Variants in ITK observed in about 807,000 individuals in gnomAD.
ITK encodes tyrosine-protein kinase ITK/TSK.
In ITK, 45 loss-of-function variants were observed where a neutral mutation model predicts 87.6. The ratio of observed to expected loss-of-function variants is 0.51; its 90% CI spans 0.40 to 0.66. ITK has a LOEUF of 0.66. Among genes scored for constraint, ITK ranks in the 30% least tolerant of loss-of-function variants. The pLI is 0.00. For missense variants in ITK, 605 were observed against 766.3 expected, an observed-to-expected ratio of 0.79 and a Z score of 2.48; for synonymous variants, 303 against 273.6, an observed-to-expected ratio of 1.11 and a Z score of -1.06.
At chr5:157,190,315 T>C (rs1263759198) in intron 1 of ITK, among the ~76,000 whole-genome samples, 1 of 152,156 alleles carries the variant, frequency 6.6e-6, no homozygotes, top group Non-Finnish European at 1.5e-5. Flanking sequence ...TTTATTATGA[T>C]TATTATTGGT....
At chr5:157,207,709 C>A (rs1048856788) in intron 1 of ITK, among the ~76,000 whole-genome samples, 1 of 152,098 alleles carries the variant, frequency 6.6e-6, no homozygotes, top group Non-Finnish European at 1.5e-5. Flanking sequence ...GTCAATTTGA[C>A]ACCTAAAATT....
At chr5:157,200,982 G>T (rs1235031030) in intron 1 of ITK, among the ~76,000 whole-genome samples, 1 of 151,976 alleles carries the variant, frequency 6.6e-6, no homozygotes, top group Non-Finnish European at 1.5e-5. Context: ...ATTTTTGTGT[G>T]GATAACAATT....
chr5:157,193,534 A>T (rs1165652876), intron 1 of ITK, among the ~76,000 whole-genome samples: 3 of 152,246 alleles, frequency 2.0e-5, no homozygotes, highest in Non-Finnish European at 2.9e-5. Flanking sequence ...TATCATAAAT[A>T]TTCACAATAA....
chr5:157,240,625 G>C (rs1334332816), intron 10 of ITK: 4 of 212,260 alleles, frequency 1.9e-5, no homozygotes, highest in Non-Finnish European at 2.9e-5. Flanking sequence ...AGGAAGCATG[G>C]TGCCGGCATC....
chr5:157,217,530 G>A (rs1192006389), intron 4 of ITK, among the ~76,000 whole-genome samples: 2 of 152,056 alleles, frequency 1.3e-5, no homozygotes, highest in Non-Finnish European at 2.9e-5. Context: ...AGACATTCCC[G>A]GAAGTCTCTA....
chr5:157,208,414 C>T (rs1012840704), intron 1 of ITK, among the ~76,000 whole-genome samples: 1 of 151,200 alleles, frequency 6.6e-6, no homozygotes, highest in African/African-American at 2.4e-5. Flanking sequence ...TGTGGGACTG[C>T]GGATAATTAA....
At position 157,202,953 on chromosome 5, in the gene ITK, C is replaced by T. The variant is rs17054352; in HGVS notation, c.139-5936C>T. On this transcript the variant is annotated intron_variant, in intron 1 of 16. Transcript: ENST00000422843. ...ACTGTCTGCCCTCATCACAATGCTG[C>T]TAGGCTGTTAACAAGCCAGACTTAC... Among the ~76,000 whole-genome samples, 594 of 152,286 alleles carry T rather than the reference C, an allele frequency of 3.9e-3. 5 individuals are homozygous for T. Among genetic ancestry groups the T allele is most frequent in the African/African-American group, 0.013 (560 of 41,556 alleles).
At chr5:157,192,923 T>C (rs1753780713) in intron 1 of ITK, among the ~76,000 whole-genome samples, 1 of 152,192 alleles carries the variant, frequency 6.6e-6, no homozygotes, top group Non-Finnish European at 1.5e-5. Flanking sequence ...TAAAGACTCT[T>C]CCAGTTCAAA....
At chr5:157,196,749 C>G (rs141391899) in intron 1 of ITK, among the ~76,000 whole-genome samples, 2 of 152,306 alleles carry the variant, frequency 1.3e-5, no homozygotes, top group African/African-American at 4.8e-5. Context: ...CAGTTATTTC[C>G]TGAAATGCAA....
intron 4 of ITK, among the ~76,000 whole-genome samples, chr5:157,215,716 C>T (rs1022921984): frequency 1.3e-5 from 2 of 152,182 alleles, no homozygotes; most frequent in African/African-American, 4.8e-5. Context: ...AGATGAGTCA[C>T]GTGGCCATCA....
rs149953377 is a variant in ITK, at chr5:157,207,776, G to A, written c.139-1113G>A. Among the ~76,000 whole-genome samples, 332 of 152,190 alleles carry A rather than the reference G, an allele frequency of 2.2e-3. 1 individual carries two copies. Among genetic ancestry groups the A allele is most frequent in the African/African-American group, 7.6e-3 (316 of 41,532 alleles). Reference sequence around the variant, plus strand: ...CACCCATACATATCTTAAACCACACGTAATTTCCAAATGAAGACAATAACA... The same window carrying A: ...CACCCATACATATCTTAAACCACACATAATTTCCAAATGAAGACAATAACA... On this transcript the variant is annotated intron_variant, in intron 1 of 16. Coordinates refer to ENST00000422843, the MANE Select transcript of ITK (RefSeq NM_005546.4).
chr5:157,217,980 TC>T (rs1754334135), intron 5 of ITK, 73 bp downstream of exon 5: 2 of 1,262,016 alleles, frequency 1.6e-6, no homozygotes, highest in African/African-American at 2.9e-5. Context: ...TATTTGCATG[TC>T]CCCCTCTCCC....
intron 10 of ITK, chr5:157,241,310 T>TA (rs772818539): frequency 4.0e-5 from 7 of 172,980 alleles, no homozygotes; most frequent in Middle Eastern, 2.7e-3. Context: ...ACAGGAGACT[T>TA]AATGAAAACT....
At chr5:157,186,973 A>G (rs1420841473) in intron 1 of ITK, among the ~76,000 whole-genome samples, 1 of 152,224 alleles carries the variant, frequency 6.6e-6, no homozygotes, top group East Asian at 1.9e-4. Flanking sequence ...CCATTGCCCT[A>G]ACGATGGACA....
intron 2 of ITK, among the ~76,000 whole-genome samples, chr5:157,210,531 G>GT (rs11448931): frequency 0.24 from 35,155 of 147,126 alleles, 4,404 homozygotes; most frequent in Admixed American, 0.29. Flanking sequence ...CAATCTCTTG[G>GT]TTTTTTTTTT....
chr5:157,196,754 A>C (rs879550294), intron 1 of ITK, among the ~76,000 whole-genome samples: 7 of 152,226 alleles, frequency 4.6e-5, no homozygotes, highest in Admixed American at 1.3e-4. Context: ...ATTTCCTGAA[A>C]TGCAATGAAG....
chr5:157,227,141 T>C (rs1169768932), intron 6 of ITK, among the ~76,000 whole-genome samples: 2 of 152,166 alleles, frequency 1.3e-5, no homozygotes, highest in African/African-American at 2.4e-5. Flanking sequence ...TTTTTACAGA[T>C]TGACAGAGTA....
At chr5:157,224,400 A>C (rs977135820) in intron 6 of ITK, 1 of 152,178 alleles carries the variant, frequency 6.6e-6, no homozygotes, top group Middle Eastern at 3.4e-3. Flanking sequence ...TCTGTTCTGC[A>C]TCTTGCTTTT....
chr5:157,218,447 C>T (rs533468574), intron 5 of ITK, among the ~76,000 whole-genome samples: 1 of 147,562 alleles, frequency 6.8e-6, no homozygotes, highest in South Asian at 2.1e-4. Context: ...GTCGAGACTG[C>T]AGTGAGCCAT....
Sources: gnomAD v4.1 joint callset for allele counts (sites outside exome capture counted in the v4.1 genomes callset) on GRCh38, gnomAD v4.1.1 for gene constraint, MANE v1.5 for transcripts, NCBI Gene and HGNC (gene_info 2026-07-23, HGNC 2026-07-21) for gene names.